The following UBASH3B variants were observed in gnomAD, a reference collection of about 807,000 sequenced individuals.
UBASH3B encodes ubiquitin associated and SH3 domain containing B.
In UBASH3B, 37 loss-of-function variants were observed where a neutral mutation model predicts 83.4. That is an observed-to-expected ratio of 0.44 (90% CI 0.34 to 0.58). The LOEUF is 0.58. Ranked by LOEUF, UBASH3B falls within the 20% of genes least tolerant of loss-of-function variation. UBASH3B has a pLI of 0.01. For missense variants in UBASH3B, 657 were observed against 827.2 expected (o/e 0.79, Z 2.52); for synonymous variants, 304 against 318.3 (o/e 0.96, Z 0.48).
chr11:122,716,162 G>A (rs1371335578), intron 1 of UBASH3B, among the ~76,000 whole-genome samples: 3 of 152,058 alleles, frequency 2.0e-5, no homozygotes, highest in Non-Finnish European at 2.9e-5. Flanking sequence ...CGAGAGGAAG[G>A]GGGATCTCAG....
At position 122,765,699 on chromosome 11, in the gene UBASH3B, T is replaced by C. The variant is rs117766158; in HGVS notation, c.162-10520T>C. Reference sequence around the variant, plus strand: ...TGATGGATCTCTGGCTCTCAGCCCATTGGGTTACTGGATGCTTTGTGCCTA... The same window carrying C: ...TGATGGATCTCTGGCTCTCAGCCCACTGGGTTACTGGATGCTTTGTGCCTA... On this transcript the variant is annotated intron_variant, in intron 1 of 13. Coordinates refer to ENST00000284273, the MANE Select transcript of UBASH3B (RefSeq NM_032873.5). Among the ~76,000 whole-genome samples, 8 of 152,270 alleles carry C rather than the reference T, an allele frequency of 5.3e-5. No homozygotes were observed. In the East Asian group the frequency reaches 1.5e-3, roughly 29 times the overall value.
intron 1 of UBASH3B, among the ~76,000 whole-genome samples, chr11:122,695,318 G>C (rs142840227): frequency 6.6e-6 from 1 of 152,238 alleles, no homozygotes; most frequent in East Asian, 1.9e-4. Context: ...ATCCACTCCT[G>C]TCATCACTCA....
chr11:122,764,453 G>C (rs367732737), intron 1 of UBASH3B, among the ~76,000 whole-genome samples: 1 of 152,238 alleles, frequency 6.6e-6, no homozygotes, highest in Non-Finnish European at 1.5e-5. Context: ...CCATGTTCCA[G>C]CTCCTGCAAG....
At position 122,779,509 on chromosome 11, in the gene UBASH3B, A is replaced by C; in HGVS notation, c.415A>C (p.Lys139Gln). ...TTTTCCCTGCCAGTGCGAGGACAGCAAGGTGGATGCCCTGGGGGAAGCCCT... is the reference window on the plus strand; with the variant it reads ...TTTTCCCTGCCAGTGCGAGGACAGCCAGGTGGATGCCCTGGGGGAAGCCCT... ...LCQFFMCEDS[K>Q]VDALGEALQT... is the part of the protein sequence containing the mutation. Residue 139 changes from lysine to glutamine, a missense_variant, in exon 4 of 14, where the codon AAG becomes CAG. Around this residue, in one of 3 missense-constraint regions of UBASH3B, gnomAD observed 573 missense variants for 739.0 expected, o/e 0.78. Coordinates refer to ENST00000284273, the MANE Select transcript of UBASH3B (RefSeq NM_032873.5). 6.2e-7 allele frequency: 1 copy of C among 1,613,934 alleles called. No homozygotes were observed. Among genetic ancestry groups the C allele is most frequent in the Non-Finnish European group, 8.5e-7 (1 of 1,179,968 alleles).
intron 1 of UBASH3B, among the ~76,000 whole-genome samples, chr11:122,661,375 G>C (rs1863435572): frequency 6.6e-6 from 1 of 152,166 alleles, no homozygotes; most frequent in African/African-American, 2.4e-5. Flanking sequence ...TAAAGTATCT[G>C]GTTTCCCTGG....
intron 1 of UBASH3B, among the ~76,000 whole-genome samples, chr11:122,690,216 A>T (rs1270305070): frequency 3.4e-5 from 4 of 117,030 alleles, no homozygotes; most frequent in African/African-American, 1.3e-4. Flanking sequence ...ATATCCAATT[A>T]TATATATATA....
At chr11:122,666,357 C>T (rs903500119) in intron 1 of UBASH3B, among the ~76,000 whole-genome samples, 8 of 151,872 alleles carry the variant, frequency 5.3e-5, no homozygotes, top group Admixed American at 2.6e-4. Context: ...GATGCAGGGT[C>T]GCTGGAGTTC....
chr11:122,786,405 C>A (rs1860953960), intron 5 of UBASH3B, among the ~76,000 whole-genome samples: 1 of 151,906 alleles, frequency 6.6e-6, no homozygotes, highest in Non-Finnish European at 1.5e-5. Context: ...GCCTGTAATC[C>A]CAGCACTTTA....
chr11:122,751,338 C>G (rs1243787051), intron 1 of UBASH3B, among the ~76,000 whole-genome samples: 1 of 152,214 alleles, frequency 6.6e-6, no homozygotes, highest in African/African-American at 2.4e-5. Context: ...AGAATGCGGT[C>G]CACGCCCCAG....
At chr11:122,671,596 A>G (rs1863593434) in intron 1 of UBASH3B, among the ~76,000 whole-genome samples, 3 of 152,228 alleles carry the variant, frequency 2.0e-5, no homozygotes, top group South Asian at 4.1e-4. Context: ...CGCCTCAGAC[A>G]CCACAGATCT....
intron 1 of UBASH3B, among the ~76,000 whole-genome samples, chr11:122,671,733 G>T (rs1863595572): frequency 6.6e-6 from 1 of 152,166 alleles, no homozygotes. Flanking sequence ...GAAGAGCGGT[G>T]GGACACCAGG....
At position 122,777,047 on chromosome 11, in the gene UBASH3B, C is replaced by G; in HGVS notation, c.239C>G (p.Pro80Arg). The change falls in exon 3 of 14, where the codon CCC (proline) becomes CGC (arginine). Residue 80 changes from proline to arginine, a missense_variant. This residue lies in a region of UBASH3B where 573 missense variants were observed against 739.0 expected (regional missense o/e 0.78). Transcript: ENST00000284273. The stretch of plus-strand genomic sequence containing the variant: ...AGGTTATTCTCCCATGTCGGTGACC[C>G]CTTCCTGGATGACCCCCTGCCCCGG... ...CDWLFSHVGD[P>R]FLDDPLPREY... 1 of 1,611,868 alleles carries G rather than the reference C, an allele frequency of 6.2e-7. No homozygotes were observed. Among genetic ancestry groups the G allele is most frequent in the Non-Finnish European group, 8.5e-7 (1 of 1,178,960 alleles).
intron 1 of UBASH3B, among the ~76,000 whole-genome samples, chr11:122,664,925 T>C (rs183497246): frequency 1.3e-5 from 2 of 152,340 alleles, no homozygotes; most frequent in African/African-American, 2.4e-5. Context: ...TGCCTTTTTT[T>C]TGAGACGGAG....
At chr11:122,752,459 G>C (rs1591798394) in intron 1 of UBASH3B, among the ~76,000 whole-genome samples, 1 of 152,202 alleles carries the variant, frequency 6.6e-6, no homozygotes, top group Non-Finnish European at 1.5e-5. Flanking sequence ...AAGAAGGAAA[G>C]GCATGGGTGG....
At chr11:122,809,322 G>A (rs896922074) in intron 13 of UBASH3B, among the ~76,000 whole-genome samples, 4 of 152,152 alleles carry the variant, frequency 2.6e-5, no homozygotes, top group South Asian at 2.1e-4. Flanking sequence ...TGACCCGCCC[G>A]CCTCGGCCTC....
At chr11:122,805,256 G>A (rs1861318858) in intron 11 of UBASH3B, among the ~76,000 whole-genome samples, 2 of 152,220 alleles carry the variant, frequency 1.3e-5, no homozygotes, top group Non-Finnish European at 2.9e-5. Flanking sequence ...TTGGCTGGGT[G>A]CAGTGGCTCA....
At chr11:122,694,052 C>T (rs1161943349) in intron 1 of UBASH3B, among the ~76,000 whole-genome samples, 1 of 152,092 alleles carries the variant, frequency 6.6e-6, no homozygotes, top group Non-Finnish European at 1.5e-5. Context: ...TATCAGGTGG[C>T]CCATGCAGCC....
chr11:122,712,034 ATTT>A (rs9326263), intron 1 of UBASH3B, among the ~76,000 whole-genome samples: 2,333 of 145,592 alleles, frequency 0.016, 50 homozygotes, highest in African/African-American at 0.049. Flanking sequence ...TGCCAGCTGC[ATTT>A]TTTTTTTTTT....
At chr11:122,675,648 G>C (rs190923256) in intron 1 of UBASH3B, among the ~76,000 whole-genome samples, 219 of 152,294 alleles carry the variant, frequency 1.4e-3, no homozygotes, top group African/African-American at 5.1e-3. Flanking sequence ...AAGCTGCAAG[G>C]AGCACCTCTG....
Sources: allele counts gnomAD v4.1 joint callset (sites outside exome capture counted in the v4.1 genomes callset), GRCh38; gene constraint gnomAD v4.1.1; regional missense constraint gnomAD v4.1.1; transcripts MANE v1.5; gene names NCBI Gene and HGNC (gene_info 2026-07-23, HGNC 2026-07-21).